Variants in SULT4A1 observed in about 807,000 individuals in gnomAD.
SULT4A1 encodes sulfotransferase 4A1.
Under a neutral mutation model 35.2 loss-of-function variants are expected in SULT4A1, and 11 were observed. The observed-to-expected ratio is 0.31, with a 90% CI of 0.20 to 0.52. The LOEUF (loss-of-function observed/expected upper bound fraction) is 0.52, where lower values mean the gene tolerates loss of function less well. Among genes scored for constraint, SULT4A1 ranks in the 20% least tolerant of loss-of-function variants. SULT4A1 has a pLI of 0.97. For synonymous variants in SULT4A1, 152 were observed against 151.8 expected, an observed-to-expected ratio of 1.00 and a Z score of -0.01; for missense variants, 271 against 383.7, an observed-to-expected ratio of 0.71 and a Z score of 2.45.
intron 1 of SULT4A1, among the ~76,000 whole-genome samples, chr22:43,849,585 G>C (rs1437145331): frequency 6.6e-6 from 1 of 152,050 alleles, no homozygotes; most frequent in Non-Finnish European, 1.5e-5. Context: ...TCTGGCCAGG[G>C]ATGGCCAGAC....
At chr22:43,837,231 G>C (rs2063384536) in intron 4 of SULT4A1, among the ~76,000 whole-genome samples, 1 of 152,236 alleles carries the variant, frequency 6.6e-6, no homozygotes, top group South Asian at 2.1e-4. Flanking sequence ...CTGTCTACAG[G>C]GTTTGCTGGG....
chr22:43,840,065 G>T, intron 2 of SULT4A1, 40 bp from the exon 3 acceptor site: 1 of 1,542,712 alleles, frequency 6.5e-7, no homozygotes, highest in Non-Finnish European at 8.8e-7. Flanking sequence ...AGAGGAAAGG[G>T]TGAGACCAAG....
At chr22:43,832,769 T>C (rs929950328) in intron 5 of SULT4A1, among the ~76,000 whole-genome samples, 1 of 152,146 alleles carries the variant, frequency 6.6e-6, no homozygotes, top group Non-Finnish European at 1.5e-5. Context: ...TTCCTGCAGG[T>C]GTGGGGAAAG....
At chr22:43,841,053 A>G (rs1005161223) in intron 2 of SULT4A1, among the ~76,000 whole-genome samples, 28 of 152,186 alleles carry the variant, frequency 1.8e-4, no homozygotes, top group African/African-American at 6.0e-4. Context: ...TGCTGCCCCC[A>G]ATGCCAAGAG....
In SULT4A1 at chr22:43,853,576, C is replaced by T. The variant is rs563959563; in HGVS notation, c.169+8638G>A. On this transcript the variant is annotated intron_variant, in intron 1 of 6. Coordinates refer to ENST00000330884, the MANE Select transcript of SULT4A1 (RefSeq NM_014351.4). ...GTTCCACAGTCAGGCCTGACCAGTC[C>T]AGGAAGCTCCGGCAACCCTGGCTTG... Among the ~76,000 whole-genome samples the T allele has an allele frequency of 3.3e-5, 5 of 152,328 alleles. No homozygotes were observed. In the East Asian group the frequency reaches 9.6e-4, roughly 29 times the overall value.
chr22:43,833,737 G>GC lies in SULT4A1; in HGVS notation c.509-4dup, dbSNP rs772163659. On this transcript the variant is annotated splice_polypyrimidine_tract_variant and splice_region_variant and intron_variant, in intron 4 of 6. Transcript: ENST00000330884. ...CTCAAACCAGGAGCCGTAGCCCACT[G>GC]CGGAGACAGGGGACAGGGTGAGCCA... The GC allele has an allele frequency of 6.4e-7, 1 of 1,565,134 alleles. No individual in the cohort carries two copies. The highest frequency in any genetic ancestry group is 8.7e-7 in the Non-Finnish European group (1 of 1,154,272).
chr22:43,856,580 A>T (rs2148307371), intron 1 of SULT4A1, among the ~76,000 whole-genome samples: 1 of 152,352 alleles, frequency 6.6e-6, no homozygotes, highest in African/African-American at 2.4e-5. Flanking sequence ...AGCAGAGTCG[A>T]TCACTGGCAC....
At chr22:43,835,706 C>T (rs879068890) in intron 4 of SULT4A1, among the ~76,000 whole-genome samples, 1 of 152,082 alleles carries the variant, frequency 6.6e-6, no homozygotes, top group Non-Finnish European at 1.5e-5. Context: ...CCTGTGAACA[C>T]GGAAGGTAAA....
intron 1 of SULT4A1, among the ~76,000 whole-genome samples, chr22:43,844,318 C>T (rs995951315): frequency 7.2e-5 from 11 of 152,226 alleles, no homozygotes; most frequent in South Asian, 4.1e-4. Flanking sequence ...CCCAGCGTGC[C>T]GTGCCATTAA....
chr22:43,827,690 C>T (rs760471469), intron 6 of SULT4A1: 30 of 1,352,984 alleles, frequency 2.2e-5, no homozygotes, highest in Non-Finnish European at 2.6e-5. Context: ...CCAAGGTAAA[C>T]CATGATAAAG....
intron 4 of SULT4A1, among the ~76,000 whole-genome samples, chr22:43,835,358 C>T (rs1031953415): frequency 2.0e-5 from 3 of 152,308 alleles, no homozygotes; most frequent in South Asian, 2.1e-4. Flanking sequence ...GAGAGCAAGG[C>T]GTCAGTTAAG....
At chr22:43,846,335 C>T (rs2063476970) in intron 1 of SULT4A1, among the ~76,000 whole-genome samples, 1 of 152,214 alleles carries the variant, frequency 6.6e-6, no homozygotes, top group South Asian at 2.1e-4. Flanking sequence ...TATCTACCTG[C>T]CCAGAAAAAG....
intron 5 of SULT4A1, among the ~76,000 whole-genome samples, chr22:43,831,490 T>C (rs1049941186): frequency 1.3e-5 from 2 of 152,150 alleles, no homozygotes; most frequent in Non-Finnish European, 2.9e-5. Context: ...GCACAAGTGC[T>C]GACGTCCACC....
intron 6 of SULT4A1, among the ~76,000 whole-genome samples, chr22:43,827,944 TGAG>T (rs1483378767): frequency 1.3e-5 from 2 of 152,372 alleles, no homozygotes; most frequent in Admixed American, 1.3e-4. Context: ...CACTTCCTCC[TGAG>T]GAGTCCACTG....
chr22:43,838,752 T>C lies in SULT4A1; in HGVS notation c.508+115A>G, dbSNP rs913043780. On this transcript the variant is annotated intron_variant, in intron 4 of 6. Transcript: ENST00000330884. ...CTGTAAAGTGACCGCGGGCCTGACC[T>C]ACATGGTCACTGTCAGAACTGGAGA... 1.8e-4 allele frequency: 257 copies of C among 1,438,892 alleles called. 1 individual carries two copies. Among genetic ancestry groups the C allele is most frequent in the Middle Eastern group, 7.2e-4 (3 of 4,164 alleles). The allele number at this position is 1,438,892 out of a possible 1,614,324, so 89.1% of individuals were successfully genotyped here.
At chr22:43,833,490 T>A in intron 5 of SULT4A1, 150 bp downstream of exon 5, 1 of 336,050 alleles carries the variant, frequency 3.0e-6, no homozygotes, top group Non-Finnish European at 5.7e-6. Context: ...CAAGCCCCCT[T>A]CCAGCCCACA....
At chr22:43,859,212 C>G (rs113076051) in intron 1 of SULT4A1, among the ~76,000 whole-genome samples, 3 of 152,328 alleles carry the variant, frequency 2.0e-5, no homozygotes, top group African/African-American at 7.2e-5. Context: ...CTCCCCTCAG[C>G]TTCAACCCCT....
intron 1 of SULT4A1, among the ~76,000 whole-genome samples, chr22:43,843,735 TC>T (rs2063452096): frequency 6.6e-6 from 1 of 152,234 alleles, no homozygotes; most frequent in Non-Finnish European, 1.5e-5. Context: ...CCCTCCTCCA[TC>T]CTCCACAGAC....
At chr22:43,834,396 C>T (rs1172270830) in intron 4 of SULT4A1, among the ~76,000 whole-genome samples, 8 of 84,772 alleles carry the variant, frequency 9.4e-5, no homozygotes, top group African/African-American at 4.3e-4. Context: ...GCCCCCACCG[C>T]TGCCCTGAGC....
Sources: allele counts gnomAD v4.1 joint callset (sites outside exome capture counted in the v4.1 genomes callset), GRCh38; gene constraint gnomAD v4.1.1; transcripts MANE v1.5; gene names NCBI Gene and HGNC (gene_info 2026-07-23, HGNC 2026-07-21).